Variants in ZNF516 observed in about 807,000 individuals in gnomAD.
ZNF516 encodes zinc finger protein 516.
A neutral mutation model predicts 79.7 loss-of-function variants in ZNF516; 19 were observed. The ratio of observed to expected loss-of-function variants is 0.24; its 90% CI spans 0.17 to 0.35. The LOEUF is 0.35. Ranked by LOEUF, ZNF516 falls within the 10% of genes least tolerant of loss-of-function variation. The pLI is 1.00. For synonymous variants in ZNF516, 877 were observed against 739.5 expected, an observed-to-expected ratio of 1.19 and a Z score of -3.02; for missense variants, 1,678 against 1,679.5, an observed-to-expected ratio of 1.00 and a Z score of 0.02.
rs1915329953 is a variant in ZNF516 at position 76,493,067 on chromosome 18, G to A, written c.-272+2077C>T. ...CAGCAGAGCCGTCACTCACGCCCAGGGGGCAGGGAGACTTCGCAAAGCTGT... is the reference window on the plus strand; with the variant it reads ...CAGCAGAGCCGTCACTCACGCCCAGAGGGCAGGGAGACTTCGCAAAGCTGT... On this transcript the variant is annotated intron_variant, in intron 1 of 6. Coordinates refer to ENST00000443185, the MANE Select transcript of ZNF516 (RefSeq NM_014643.4). The surrounding 1 kb of genome is among the most constrained non-coding windows in gnomAD (Gnocchi z 5.2). The A allele has an allele frequency of 1.0e-6, 1 of 985,080 alleles. No homozygotes were observed. 61.0% of individuals were successfully genotyped at this position (985,080 alleles called of 1,614,324 possible).
At chr18:76,405,314 C>G (rs1202289304) in intron 3 of ZNF516, among the ~76,000 whole-genome samples, 1 of 152,158 alleles carries the variant, frequency 6.6e-6, no homozygotes, top group East Asian at 1.9e-4. Context: ...CTGCGGGTGT[C>G]CTCGACTTCC....
intron 6 of ZNF516, among the ~76,000 whole-genome samples, chr18:76,365,719 C>A (rs2074602531): frequency 6.6e-6 from 1 of 152,204 alleles, no homozygotes; most frequent in Admixed American, 6.5e-5. Context: ...AGGACAAGCA[C>A]CGGTGCCACC....
In ZNF516 at chr18:76,379,764, G is replaced by A. The variant is rs372105529; in HGVS notation, c.2350C>T (p.Arg784Cys). ...GGAGCCACGGAGTTGCAGCTGACGCGGTGCCAGATGCGTTTGTGCATCCAC... is the reference window on the plus strand; with the variant it reads ...GGAGCCACGGAGTTGCAGCTGACGCAGTGCCAGATGCGTTTGTGCATCCAC... ...VLWMHKRIWH[R>C]VSCNSVAPPW... The change falls in exon 4 of 7, where the codon CGC (arginine) becomes TGC (cysteine). Residue 784 changes from arginine to cysteine, a missense_variant. Transcript: ENST00000443185. 8.7e-6 allele frequency: 14 copies of A among 1,613,794 alleles called. No homozygotes were observed. The highest frequency in any genetic ancestry group is 3.3e-4 in the Middle Eastern group (2 of 6,084).
At chr18:76,367,435 C>T (rs2074630848) in intron 6 of ZNF516, among the ~76,000 whole-genome samples, 1 of 152,206 alleles carries the variant, frequency 6.6e-6, no homozygotes, top group African/African-American at 2.4e-5. Context: ...CTCTCTATCC[C>T]CTGTGGGAAG....
At chr18:76,401,071 ACATCTTAACC>A (rs2075212993) in intron 3 of ZNF516, among the ~76,000 whole-genome samples, 1 of 152,110 alleles carries the variant, frequency 6.6e-6, no homozygotes, top group Non-Finnish European at 1.5e-5. Context: ...CCTTTCCTGT[ACATCTTAACC>A]CATTTATGCC....
intron 3 of ZNF516, among the ~76,000 whole-genome samples, chr18:76,434,254 A>C (rs1034481498): frequency 9.8e-5 from 15 of 152,306 alleles, no homozygotes; most frequent in Admixed American, 2.0e-4. Flanking sequence ...AAACAAGTTC[A>C]AGTCACACCT....
chr18:76,361,773 T>TA lies in ZNF516; in HGVS notation c.*724_*725insT, dbSNP rs2074540870. The TA allele has an allele frequency of 6.6e-6, 1 of 152,156 alleles. No homozygotes were observed. Among genetic ancestry groups the TA allele is most frequent in the Non-Finnish European group, 1.5e-5 (1 of 68,044 alleles). 9.4% of individuals were successfully genotyped at this position (152,156 alleles called of 1,614,324 possible). A position where few individuals can be genotyped will look rare whatever the true frequency, so the allele number is the denominator to read the frequency against. On this transcript the variant is annotated 3_prime_UTR_variant, in exon 7 of 7. Transcript: ENST00000443185. ...TCTCTTCCGAGGCGGAATCTACGCA[T>TA]TCCCACAGACGTGTCTCCTTTGCCA...
chr18:76,472,147 G>A (rs1309358920), intron 1 of ZNF516, among the ~76,000 whole-genome samples: 1 of 152,114 alleles, frequency 6.6e-6, no homozygotes, highest in Non-Finnish European at 1.5e-5. Context: ...CCCTTGGTCA[G>A]CGTCCCTGGC....
intron 3 of ZNF516, among the ~76,000 whole-genome samples, chr18:76,412,487 G>A (rs903717842): frequency 1.3e-5 from 2 of 152,142 alleles, no homozygotes; most frequent in South Asian, 2.1e-4. Context: ...CCTGGGGACC[G>A]ACGGGAGCCC....
chr18:76,495,657 G>C, upstream of ZNF516: 1 of 1,105,664 alleles, frequency 9.0e-7, no homozygotes, highest in Non-Finnish European at 1.2e-6. Context: ...CCCGGCTCCC[G>C]GAGGCCGTTT....
chr18:76,398,707 A>G (rs899152083), intron 3 of ZNF516, among the ~76,000 whole-genome samples: 3 of 152,200 alleles, frequency 2.0e-5, no homozygotes, highest in Non-Finnish European at 2.9e-5. Context: ...CTCCTACACA[A>G]AGTGTTTTAA....
chr18:76,485,365 T>C (rs75708797), intron 1 of ZNF516, among the ~76,000 whole-genome samples: 1,774 of 152,306 alleles, frequency 0.012, 31 homozygotes, highest in African/African-American at 0.04. Context: ...TCACTGATAA[T>C]GTCAATATAA....
chr18:76,490,825 C>A, intron 1 of ZNF516: 1 of 985,502 alleles, frequency 1.0e-6, no homozygotes, highest in Non-Finnish European at 1.2e-6. Context: ...CCGAGGGCTC[C>A]GTCCTTTGTT....
chr18:76,472,492 C>T (rs1913904986), intron 1 of ZNF516, among the ~76,000 whole-genome samples: 1 of 152,256 alleles, frequency 6.6e-6, no homozygotes, highest in South Asian at 2.1e-4. Flanking sequence ...CACTCAGGCA[C>T]ACTTACACAC....
rs138895336 is a variant in ZNF516 at position 76,385,063 on chromosome 18, G to A, written c.1811-4760C>T. On this transcript the variant is annotated intron_variant, in intron 3 of 6. Transcript: ENST00000443185. ...GCACGGAAGCACGTGCCAGGAGGAGGCAGCCGGGTCCGAGCAGCCCTAGAG... is the reference window on the plus strand; with the variant it reads ...GCACGGAAGCACGTGCCAGGAGGAGACAGCCGGGTCCGAGCAGCCCTAGAG... Among the ~76,000 whole-genome samples the A allele has an allele frequency of 5.1e-3, 777 of 152,330 alleles. 13 individuals are homozygous for A. Among genetic ancestry groups the A allele is most frequent in the African/African-American group, 0.017 (726 of 41,576 alleles).
rs2145555736 is a variant in ZNF516 at position 76,442,558 on chromosome 18, G to A, written c.497C>T (p.Ala166Val). The A allele has an allele frequency of 6.3e-7, 1 of 1,598,878 alleles. No homozygotes were observed. Among genetic ancestry groups the A allele is most frequent in the East Asian group, 2.2e-5 (1 of 44,870 alleles). The part of the protein sequence containing the change: ...SKKGAEGSAC[A>V]PGEAKAAVQC... Reference sequence around the variant, plus strand: ...GACCGCTGCCTTGGCCTCCCCCGGGGCGCATGCGGACCCCTCTGCCCCCTT... The same window carrying A: ...GACCGCTGCCTTGGCCTCCCCCGGGACGCATGCGGACCCCTCTGCCCCCTT... The change falls in exon 3 of 7, where the codon GCC (alanine) becomes GTC (valine). Residue 166 changes from alanine to valine, a missense_variant. By Grantham distance (64) the Ala-to-Val change is moderately conservative. Coordinates refer to ENST00000443185, the MANE Select transcript of ZNF516 (RefSeq NM_014643.4).
chr18:76,480,159 TAAAAAAAAAAAAAAA>T (rs539724418), intron 1 of ZNF516, among the ~76,000 whole-genome samples: 1 of 109,208 alleles, frequency 9.2e-6, no homozygotes, highest in African/African-American at 3.4e-5. Context: ...AGATTTTGTG[TAAAAAAAAAAAAAAA>T]AAAAAAAAGA....
rs2074835898 is a variant in ZNF516, at chr18:76,378,942, G to T, written c.3172C>A (p.Leu1058Ile). ...AEGHEKRLDILNIFKTYIPKD... is the reference protein window; with the variant it reads ...AEGHEKRLDIINIFKTYIPKD... Reference sequence around the variant, plus strand: ...GGAATGTACGTCTTAAAGATGTTGAGGATGTCCAGGCGCTTCTCATGCCCC... The same window carrying T: ...GGAATGTACGTCTTAAAGATGTTGATGATGTCCAGGCGCTTCTCATGCCCC... The change falls in exon 4 of 7, where the codon CTC becomes ATC. Residue 1058 changes from leucine (L) to isoleucine (I), a missense_variant. By Grantham distance (5) the Leu-to-Ile change is conservative. Coordinates refer to ENST00000443185, the MANE Select transcript of ZNF516 (RefSeq NM_014643.4). The T allele has an allele frequency of 4.3e-6, 7 of 1,613,746 alleles. No homozygotes were observed. Among genetic ancestry groups the T allele is most frequent in the Non-Finnish European group, 5.9e-6 (7 of 1,179,836 alleles).
In ZNF516 at chr18:76,441,467, T is replaced by C; in HGVS notation, c.1588A>G (p.Met530Val). The C allele has an allele frequency of 6.2e-7, 1 of 1,604,624 alleles. No homozygotes were observed. Among genetic ancestry groups the C allele is most frequent in the Non-Finnish European group, 8.5e-7 (1 of 1,176,904 alleles). The change falls in exon 3 of 7, where the codon ATG (methionine) becomes GTG (valine). Residue 530 changes from methionine to valine, a missense_variant. By Grantham distance (21) the Met-to-Val change is conservative. Coordinates refer to ENST00000443185, the MANE Select transcript of ZNF516 (RefSeq NM_014643.4). ...CGATGCACGCGTGAGTGCAGCACCA[T>C]CTGATGATAGGTGCGGAAGATCTTG... is the stretch of plus-strand genomic sequence containing the variant. ...CGKIFRTYHQMVLHSRVHRRA... is the reference protein window; with the variant it reads ...CGKIFRTYHQVVLHSRVHRRA...
Sources: gnomAD v4.1 joint callset for allele counts (sites outside exome capture counted in the v4.1 genomes callset) on GRCh38, gnomAD v4.1.1 for gene constraint, Gnocchi (gnomAD v3.1) non-coding constraint, MANE v1.5 for transcripts, NCBI Gene and HGNC (gene_info 2026-07-23, HGNC 2026-07-21) for gene names.